The following RBFOX1 variants were observed in gnomAD, a reference collection of about 807,000 sequenced individuals.
RBFOX1 encodes the protein RNA binding fox-1 homolog 1.
In RBFOX1, 8 loss-of-function variants were observed where a neutral mutation model predicts 57.7. The ratio of observed to expected loss-of-function variants is 0.14; its 90% CI spans 0.08 to 0.25. The LOEUF is 0.25. Among genes scored for constraint, RBFOX1 ranks in the 10% least tolerant of loss-of-function variants. The probability of loss-of-function intolerance (pLI) is 1.00; values close to 1 mark genes in which losing one functional copy is unlikely to be tolerated. For synonymous variants in RBFOX1, 326 were observed against 222.4 expected (o/e 1.47, Z -4.15); for missense variants, 611 against 548.5 (o/e 1.11, Z -1.14).
chr16:5,365,965 C>G lies in RBFOX1; in HGVS notation c.220-101251C>G, dbSNP rs970939495. ...TTAGGGGCTGGTGTGAAGGATGAAT[C>G]GTACATTGTGGAAGCAGAGGCAGTG... On this transcript the variant is annotated intron_variant, in intron 1 of 2. Transcript: ENST00000585867. The G allele has an allele frequency of 6.1e-6, 3 of 493,418 alleles. No homozygotes were observed. In the Admixed American group the frequency reaches 6.2e-5, roughly 10 times the overall value. The allele number at this position is 493,418 out of a possible 1,614,324, so 30.6% of individuals were successfully genotyped here. A position where few individuals can be genotyped will look rare whatever the true frequency, so the allele number is the denominator to read the frequency against.
chr16:6,468,493 A>C (rs1003255461), intron 2 of RBFOX1, among the ~76,000 whole-genome samples: 1 of 152,186 alleles, frequency 6.6e-6, no homozygotes, highest in African/African-American at 2.4e-5. Context: ...TCTAGAGATT[A>C]TGAGTGATGC....
chr16:6,968,119 A>T (rs78226820), intron 3 of RBFOX1, among the ~76,000 whole-genome samples: 3,117 of 151,956 alleles, frequency 0.021, 119 homozygotes, highest in African/African-American at 0.07. Context: ...TGAACTTGCA[A>T]CCCCGCACAG....
At chr16:7,149,570 C>T (rs367924357) in intron 4 of RBFOX1, among the ~76,000 whole-genome samples, 1 of 150,854 alleles carries the variant, frequency 6.6e-6, no homozygotes, top group Admixed American at 6.6e-5. Context: ...AGTGCAACCT[C>T]CTCCTCCCAG....
chr16:6,008,683 A>T (rs981819778), intron 4 of RBFOX1, among the ~76,000 whole-genome samples: 7 of 152,160 alleles, frequency 4.6e-5, no homozygotes, highest in Non-Finnish European at 8.8e-5. Context: ...AAGAACCCAG[A>T]GGAAAGATGG....
At chr16:6,598,987 C>T (rs555136272) in intron 2 of RBFOX1, among the ~76,000 whole-genome samples, 1 of 152,220 alleles carries the variant, frequency 6.6e-6, no homozygotes, top group Admixed American at 6.5e-5. Context: ...GTTTCCCATC[C>T]CAGTGTCAGC....
chr16:6,772,665 G>T (rs1370048398), intron 3 of RBFOX1, among the ~76,000 whole-genome samples: 2 of 140,434 alleles, frequency 1.4e-5, no homozygotes, highest in African/African-American at 5.7e-5. Flanking sequence ...TGTGTATGTG[G>T]ACTTTGAGTG....
At chr16:7,125,781 A>G (rs1175570984) in intron 4 of RBFOX1, among the ~76,000 whole-genome samples, 1 of 152,098 alleles carries the variant, frequency 6.6e-6, no homozygotes, top group African/African-American at 2.4e-5. Context: ...GCAAACGATT[A>G]AGGTTTAATT....
chr16:7,669,401 T>C (rs2070620470), intron 13 of RBFOX1, among the ~76,000 whole-genome samples: 2 of 152,124 alleles, frequency 1.3e-5, no homozygotes. Flanking sequence ...TTAAAAAGAA[T>C]TGACAAACGG....
intron 1 of RBFOX1, among the ~76,000 whole-genome samples, chr16:6,098,026 C>A (rs1233776332): frequency 6.6e-6 from 1 of 152,154 alleles, no homozygotes; most frequent in Admixed American, 6.5e-5. Context: ...GATGCTGGTG[C>A]TCACTTGGCA....
At chr16:6,188,426 A>T (rs2097120941) in intron 1 of RBFOX1, among the ~76,000 whole-genome samples, 1 of 151,828 alleles carries the variant, frequency 6.6e-6, no homozygotes, top group Non-Finnish European at 1.5e-5. Context: ...GCCAAAAAAA[A>T]AAAAAAAAAA....
At chr16:6,121,768 C>T (rs997250178) in intron 1 of RBFOX1, among the ~76,000 whole-genome samples, 1 of 152,180 alleles carries the variant, frequency 6.6e-6, no homozygotes, top group Non-Finnish European at 1.5e-5. Flanking sequence ...TCATTGATCT[C>T]TCTCAGACTG....
chr16:6,773,930 T>A, intron 3 of RBFOX1: 1 of 985,040 alleles, frequency 1.0e-6, no homozygotes, highest in Non-Finnish European at 1.2e-6. Context: ...GGGTGTGGAG[T>A]GTGTTTGTGT....
chr16:6,361,923 C>T (rs1203866510), intron 2 of RBFOX1, among the ~76,000 whole-genome samples: 2 of 151,720 alleles, frequency 1.3e-5, no homozygotes, highest in Non-Finnish European at 2.9e-5. Flanking sequence ...CTCATTCATT[C>T]AACAAACACT....
intron 2 of RBFOX1, among the ~76,000 whole-genome samples, chr16:5,506,031 T>C (rs1241537064): frequency 2.0e-5 from 3 of 152,120 alleles, no homozygotes; most frequent in Non-Finnish European, 4.4e-5. Context: ...GATTTCAGGG[T>C]ATCTCTCAGA....
intron 1 of RBFOX1, among the ~76,000 whole-genome samples, chr16:5,462,331 G>A (rs531485175): frequency 6.6e-6 from 1 of 152,074 alleles, no homozygotes; most frequent in South Asian, 2.1e-4. Flanking sequence ...ACCACGCCCG[G>A]CTAATTTTTT....
chr16:6,885,651 C>T (rs1458679477), intron 3 of RBFOX1, among the ~76,000 whole-genome samples: 1 of 152,036 alleles, frequency 6.6e-6, no homozygotes, highest in East Asian at 1.9e-4. Flanking sequence ...CCTGCCTTAG[C>T]CTCCCTAGTA....
At chr16:5,719,719 C>G (rs978230775) in intron 3 of RBFOX1, among the ~76,000 whole-genome samples, 4 of 152,174 alleles carry the variant, frequency 2.6e-5, no homozygotes, top group Admixed American at 6.5e-5. Context: ...AGCTTCATCT[C>G]TGCTGTAGCC....
chr16:7,243,129 G>A (rs568303581), intron 4 of RBFOX1, among the ~76,000 whole-genome samples: 150 of 152,226 alleles, frequency 9.9e-4, no homozygotes, highest in African/African-American at 3.4e-3. Flanking sequence ...ACATTTGAAT[G>A]TTTTCATTAA....
chr16:6,656,848 TAAAA>T (rs1204595386), intron 3 of RBFOX1, among the ~76,000 whole-genome samples: 1 of 151,882 alleles, frequency 6.6e-6, no homozygotes, highest in East Asian at 1.9e-4. Context: ...GGACTTTTTT[TAAAA>T]AAGAGTCTTT....
Sources: gnomAD v4.1 joint callset for allele counts (sites outside exome capture counted in the v4.1 genomes callset) on GRCh38, gnomAD v4.1.1 for gene constraint, MANE v1.5 for transcripts, NCBI Gene and HGNC (gene_info 2026-07-23, HGNC 2026-07-21) for gene names.